The following LMNTD1 variants were observed in gnomAD, a reference collection of about 807,000 sequenced individuals.
LMNTD1 encodes lamin tail domain containing 1, also known as lamin tail domain-containing protein 1.
In LMNTD1, 35 loss-of-function variants were observed where a neutral mutation model predicts 50.9. That is an observed-to-expected ratio of 0.69 (90% CI 0.53 to 0.91). The LOEUF is 0.91. LMNTD1 is among the 40% of genes least tolerant of loss of function. LMNTD1 has a pLI of 0.00. For synonymous variants in LMNTD1, 153 were observed against 161.9 expected, an observed-to-expected ratio of 0.94 and a Z score of 0.42; for missense variants, 470 against 475.5, an observed-to-expected ratio of 0.99 and a Z score of 0.11.
chr12:25,498,755 G>A (rs1179801335), intron 9 of LMNTD1, among the ~76,000 whole-genome samples: 1 of 151,916 alleles, frequency 6.6e-6, no homozygotes, highest in African/African-American at 2.4e-5. Context: ...AAAGTCCTAA[G>A]GAATTATTTT....
chr12:25,536,180 C>CA (rs1007995557), intron 4 of LMNTD1, among the ~76,000 whole-genome samples: 45 of 151,966 alleles, frequency 3.0e-4, no homozygotes, highest in Non-Finnish European at 4.4e-5. Context: ...AACAAGTAGA[C>CA]AAAAAAATCA....
intron 8 of LMNTD1, among the ~76,000 whole-genome samples, chr12:25,505,850 T>C (rs1277890319): frequency 1.3e-5 from 2 of 152,192 alleles, no homozygotes; most frequent in Admixed American, 6.5e-5. Flanking sequence ...CATTGACTAA[T>C]TTAGCCATAT....
chr12:25,583,188 A>AGTTTTTT lies in LMNTD1; in HGVS notation c.59-36635_59-36634insAAAAAAC, dbSNP rs372507845. ...AGGTGCCCGCCACTGCGCCTGGCTA[A>AGTTTTTT]TTTTTTTTTTTTGTATTTTTAGTAG... On this transcript the variant is annotated intron_variant, in intron 1 of 7. Transcript: ENST00000445693. 1.7e-4 allele frequency among the ~76,000 whole-genome samples: 24 copies of AGTTTTTT among 139,210 alleles called. 1 individual carries two copies. In the East Asian group the frequency reaches 3.9e-3, roughly 23 times the overall value. The allele number at this position is 139,210 out of a possible 152,430, so 91.3% of individuals were successfully genotyped here. A position where few individuals can be genotyped will look rare whatever the true frequency, so the allele number is the denominator to read the frequency against.
At chr12:25,530,010 A>T (rs1454586463) in intron 4 of LMNTD1, among the ~76,000 whole-genome samples, 1 of 152,100 alleles carries the variant, frequency 6.6e-6, no homozygotes, top group Non-Finnish European at 1.5e-5. Flanking sequence ...TAAACACTTC[A>T]AATTTTCAGC....
intron 4 of LMNTD1, among the ~76,000 whole-genome samples, chr12:25,537,758 G>A (rs1232895711): frequency 6.6e-6 from 1 of 152,220 alleles, no homozygotes; most frequent in Non-Finnish European, 1.5e-5. Flanking sequence ...GAAGGCTTCA[G>A]ATGATCAAAT....
intron 1 of LMNTD1, among the ~76,000 whole-genome samples, chr12:25,610,774 T>C (rs942810379): frequency 3.3e-5 from 5 of 152,142 alleles, no homozygotes; most frequent in Non-Finnish European, 5.9e-5. Context: ...CTTCCAAGGT[T>C]ATTAGTTTGG....
intron 1 of LMNTD1, among the ~76,000 whole-genome samples, chr12:25,640,538 G>A (rs998348423): frequency 2.0e-5 from 3 of 151,586 alleles, no homozygotes; most frequent in East Asian, 1.9e-4. Context: ...ATATTGTGGT[G>A]ATCACATAAC....
Position 25,485,041 on chromosome 12 carries a change from A to G in LMNTD1, c.*23-8581T>C, listed in dbSNP as rs1386531541. Among the ~76,000 whole-genome samples the G allele has an allele frequency of 2.6e-5, 4 of 151,818 alleles. 1 individual carries two copies. Among genetic ancestry groups the G allele is most frequent in the Non-Finnish European group, 5.9e-5 (4 of 67,996 alleles). On this transcript the variant is annotated intron_variant, in intron 9 of 9. Coordinates refer to ENST00000458174, the MANE Select transcript of LMNTD1 (RefSeq NM_001145728.2). ...ACCCAGTAATGGGATGCCTGGGTCA[A>G]ATGGTATTTCTAGTTCTAGATCCCT... is the stretch of plus-strand genomic sequence containing the variant.
At chr12:25,612,480 AAGGCTT>A (rs940313923) in intron 1 of LMNTD1, among the ~76,000 whole-genome samples, 7 of 152,110 alleles carry the variant, frequency 4.6e-5, no homozygotes, top group African/African-American at 1.7e-4. Flanking sequence ...ACTGCTATTC[AAGGCTT>A]AGGTCAAGCA....
chr12:25,496,516 T>C (rs527349475), intron 9 of LMNTD1, among the ~76,000 whole-genome samples: 30 of 152,130 alleles, frequency 2.0e-4, no homozygotes, highest in Non-Finnish European at 4.1e-4. Flanking sequence ...TTTCTGAAAA[T>C]GTACAAGTCT....
At chr12:25,482,655 C>T (rs1043432392) in intron 9 of LMNTD1, among the ~76,000 whole-genome samples, 3 of 151,816 alleles carry the variant, frequency 2.0e-5, no homozygotes, top group East Asian at 1.9e-4. Context: ...AAGTGGTATC[C>T]ATCTTATTTT....
intron 4 of LMNTD1, among the ~76,000 whole-genome samples, chr12:25,546,088 A>T (rs1473015683): frequency 1.3e-5 from 2 of 151,684 alleles, no homozygotes; most frequent in African/African-American, 4.8e-5. Flanking sequence ...ATAATTCAAC[A>T]ACGATAAAAA....
chr12:25,528,786 C>T (rs1488927324), intron 4 of LMNTD1, among the ~76,000 whole-genome samples: 4 of 152,136 alleles, frequency 2.6e-5, no homozygotes, highest in Non-Finnish European at 5.9e-5. Context: ...GCTTCAGCAA[C>T]TCAGTACCCT....
chr12:25,551,642 T>C (rs1385810878), intron 2 of LMNTD1, among the ~76,000 whole-genome samples: 3 of 152,186 alleles, frequency 2.0e-5, no homozygotes, highest in African/African-American at 7.2e-5. Flanking sequence ...TTCTTTTGCC[T>C]TGGCCTCCCA....
chr12:25,625,737 T>C (rs980162449), intron 1 of LMNTD1, among the ~76,000 whole-genome samples: 1 of 152,198 alleles, frequency 6.6e-6, no homozygotes, highest in Non-Finnish European at 1.5e-5. Flanking sequence ...GCCAGAGCCC[T>C]GCCTGGCTGG....
chr12:25,543,660 C>T (rs1303231973), intron 4 of LMNTD1, among the ~76,000 whole-genome samples: 1 of 148,654 alleles, frequency 6.7e-6, no homozygotes. Context: ...TTTCCTAGTT[C>T]TCCTTGAGAT....
intron 1 of LMNTD1, among the ~76,000 whole-genome samples, chr12:25,640,855 G>A (rs971265958): frequency 1.3e-5 from 2 of 152,066 alleles, no homozygotes; most frequent in Non-Finnish European, 2.9e-5. Context: ...TTTTAGCAGA[G>A]ACGGGGTTTC....
At chr12:25,559,494 C>T (rs1020518381) in intron 1 of LMNTD1, among the ~76,000 whole-genome samples, 21 of 152,168 alleles carry the variant, frequency 1.4e-4, no homozygotes, top group Middle Eastern at 3.4e-3. Context: ...TGAATAATGC[C>T]GCAATAAACA....
At chr12:25,646,306 T>C (rs1043224197) in intron 1 of LMNTD1, among the ~76,000 whole-genome samples, 4 of 151,970 alleles carry the variant, frequency 2.6e-5, no homozygotes, top group Non-Finnish European at 5.9e-5. Context: ...TTTACCCTCC[T>C]CTCAGCTCCC....
Sources: allele counts gnomAD v4.1 joint callset (sites outside exome capture counted in the v4.1 genomes callset), GRCh38; gene constraint gnomAD v4.1.1; transcripts MANE v1.5; gene names NCBI Gene and HGNC (gene_info 2026-07-23, HGNC 2026-07-21).